Variants in ZNF827 observed in about 807,000 individuals in gnomAD.
The protein encoded by ZNF827 is zinc finger protein 827.
ZNF827 carries 13 observed loss-of-function variants against 102.4 expected under a neutral mutation model. The ratio of observed to expected loss-of-function variants is 0.13; its 90% confidence interval spans 0.08 to 0.20. The LOEUF (loss-of-function observed/expected upper bound fraction) is 0.20, where lower values mean the gene tolerates loss of function less well. Ranked by LOEUF, ZNF827 falls within the 10% of genes least tolerant of loss-of-function variation. The pLI is 1.00. For missense variants in ZNF827, 1,103 were observed against 1,344.4 expected (o/e 0.82, Z 2.81); for synonymous variants, 523 against 536.2 (o/e 0.98, Z 0.34).
intron 1 of ZNF827, among the ~76,000 whole-genome samples, chr4:145,928,663 T>G (rs912669719): frequency 1.3e-5 from 2 of 152,244 alleles, no homozygotes; most frequent in African/African-American, 4.8e-5. Flanking sequence ...GTGTCACGGC[T>G]GCAATGTGGT....
In ZNF827 at chr4:145,864,472, T is replaced by G. The variant is rs887550432; in HGVS notation, c.1981+5773A>C. On this transcript the variant is annotated intron_variant, in intron 5 of 14. Coordinates refer to ENST00000508784, the MANE Select transcript of ZNF827 (RefSeq NM_001306215.2). ...AGCTGAGTGTGATGATGCACATCTG[T>G]AGTTCTAGCTACTCTGGAGCCTGAG... 2.7e-5 allele frequency among the ~76,000 whole-genome samples: 4 copies of G among 149,942 alleles called. No homozygotes were observed. In the East Asian group the frequency reaches 7.8e-4, roughly 29 times the overall value.
At chr4:145,827,195 A>C (rs1743772525) in intron 7 of ZNF827, among the ~76,000 whole-genome samples, 1 of 152,034 alleles carries the variant, frequency 6.6e-6, no homozygotes, top group Non-Finnish European at 1.5e-5. Context: ...CCCCATCTGC[A>C]CTCTTTCCCG....
intron 1 of ZNF827, among the ~76,000 whole-genome samples, chr4:145,928,966 G>C (rs912701267): frequency 6.6e-6 from 1 of 152,212 alleles, no homozygotes; most frequent in African/African-American, 2.4e-5. Context: ...TGCCATGTGG[G>C]GAGGTGGGCC....
At chr4:145,930,442 T>C (rs1753717689) in intron 1 of ZNF827, among the ~76,000 whole-genome samples, 1 of 152,230 alleles carries the variant, frequency 6.6e-6, no homozygotes, top group Non-Finnish European at 1.5e-5. Flanking sequence ...CATGTAGAAA[T>C]GACCAAAGAG....
chr4:145,921,251 C>T (rs1294083149), intron 1 of ZNF827, among the ~76,000 whole-genome samples: 1 of 152,122 alleles, frequency 6.6e-6, no homozygotes, highest in Admixed American at 6.5e-5. Flanking sequence ...AAGGAGTATA[C>T]AACATGGCAG....
intron 4 of ZNF827, among the ~76,000 whole-genome samples, chr4:145,885,142 A>G (rs937211406): frequency 1.3e-5 from 2 of 152,166 alleles, no homozygotes; most frequent in African/African-American, 2.4e-5. Context: ...AAAATTTCCC[A>G]TTAAAAAAAC....
chr4:145,900,536 A>G (rs1304474640), intron 2 of ZNF827, among the ~76,000 whole-genome samples: 1 of 151,766 alleles, frequency 6.6e-6, no homozygotes, highest in Non-Finnish European at 1.5e-5. Flanking sequence ...CAGCCTCCCA[A>G]GTAGCTGGGA....
intron 1 of ZNF827, among the ~76,000 whole-genome samples, chr4:145,926,786 C>T (rs574905738): frequency 1.4e-4 from 22 of 152,084 alleles, no homozygotes; most frequent in Admixed American, 5.2e-4. Context: ...TTATGGAGTA[C>T]GCCCAAGTCA....
At chr4:145,887,011 G>T (rs1750173080) in intron 3 of ZNF827, among the ~76,000 whole-genome samples, 1 of 152,262 alleles carries the variant, frequency 6.6e-6, no homozygotes, top group Non-Finnish European at 1.5e-5. Context: ...GAGCTGGCAG[G>T]TGCTCATAAG....
chr4:145,837,437 C>A (rs1226303723), intron 7 of ZNF827, among the ~76,000 whole-genome samples: 1 of 151,972 alleles, frequency 6.6e-6, no homozygotes, highest in Non-Finnish European at 1.5e-5. Context: ...GCCCCAGTCT[C>A]ATTCCAGACA....
chr4:145,912,308 A>G (rs1752350585), intron 1 of ZNF827, among the ~76,000 whole-genome samples: 1 of 152,334 alleles, frequency 6.6e-6, no homozygotes, highest in Non-Finnish European at 1.5e-5. Flanking sequence ...CAAAGCAACT[A>G]TGTATTTTAA....
intron 7 of ZNF827, among the ~76,000 whole-genome samples, chr4:145,836,307 T>C (rs1197110582): frequency 2.0e-5 from 3 of 152,026 alleles, no homozygotes; most frequent in African/African-American, 7.3e-5. Flanking sequence ...TCAGAATTCT[T>C]ACACAAGAGC....
chr4:145,850,876 G>A (rs1051481077), intron 5 of ZNF827, among the ~76,000 whole-genome samples: 7 of 152,144 alleles, frequency 4.6e-5, no homozygotes, highest in East Asian at 1.9e-4. Flanking sequence ...TTGTGAATGC[G>A]AATGTGACTT....
intron 4 of ZNF827, among the ~76,000 whole-genome samples, chr4:145,871,867 C>T (rs1748716202): frequency 6.6e-6 from 1 of 152,192 alleles, no homozygotes; most frequent in African/African-American, 2.4e-5. Flanking sequence ...CTGGAAGTTT[C>T]ACTACCAGAA....
At chr4:145,807,403 C>T (rs184738668) in intron 8 of ZNF827, among the ~76,000 whole-genome samples, 2 of 151,202 alleles carry the variant, frequency 1.3e-5, no homozygotes, top group Non-Finnish European at 2.9e-5. Context: ...TAGGGGGAAA[C>T]AAAACTAAAA....
rs763617063 is a variant in ZNF827 at position 145,917,700 on chromosome 4, C to CAAAAAAAAA, written c.44-14494_44-14486dup. Among the ~76,000 whole-genome samples, 38 of 46,820 alleles carry CAAAAAAAAA rather than the reference C, an allele frequency of 8.1e-4. 2 individuals are homozygous for CAAAAAAAAA. The highest frequency in any genetic ancestry group is 2.6e-3 in the East Asian group (3 of 1,172). 30.7% of individuals were successfully genotyped at this position (46,820 alleles called of 152,430 possible). On this transcript the variant is annotated intron_variant, in intron 1 of 14. Transcript: ENST00000508784. Reference sequence around the variant, plus strand: ...AAGGCTCAACTCCAAGGTAGCTGGTCAAAAAAAAAAAAAAAAAAAAAAAAA... The same window carrying CAAAAAAAAA: ...AAGGCTCAACTCCAAGGTAGCTGGTCAAAAAAAAAAAAAAAAAAAAAAAAAAAAAAAAAA...
chr4:145,871,522 T>G (rs1748678593), intron 4 of ZNF827, among the ~76,000 whole-genome samples: 1 of 152,190 alleles, frequency 6.6e-6, no homozygotes, highest in Non-Finnish European at 1.5e-5. Context: ...CACAGGCATC[T>G]CACTCCCTTT....
At chr4:145,818,523 CAA>C (rs1742818692) in intron 8 of ZNF827, among the ~76,000 whole-genome samples, 1 of 152,206 alleles carries the variant, frequency 6.6e-6, no homozygotes, top group Non-Finnish European at 1.5e-5. Context: ...CAAAGGAGCT[CAA>C]GTTACAAAAC....
At chr4:145,813,514 TA>T (rs57529652) in intron 8 of ZNF827, among the ~76,000 whole-genome samples, 22,059 of 152,114 alleles carry the variant, frequency 0.15, 2,373 homozygotes, top group East Asian at 0.63. Context: ...TCCGGGAATG[TA>T]TCCCCTGAGG....
Sources: gnomAD v4.1 joint callset for allele counts (sites outside exome capture counted in the v4.1 genomes callset) on GRCh38, gnomAD v4.1.1 for gene constraint, MANE v1.5 for transcripts, NCBI Gene and HGNC (gene_info 2026-07-23, HGNC 2026-07-21) for gene names.